SYNPO2: variants seen among roughly 807,000 people sequenced by gnomAD.
SYNPO2 encodes the protein synaptopodin 2.
A neutral mutation model predicts 85.0 loss-of-function variants in SYNPO2; 56 were observed. The ratio of observed to expected loss-of-function variants is 0.66; its 90% CI spans 0.53 to 0.82. The LOEUF (loss-of-function observed/expected upper bound fraction) is 0.82, where lower values mean the gene tolerates loss of function less well. Ranked by LOEUF, SYNPO2 falls within the 40% of genes least tolerant of loss-of-function variation. The pLI is 0.00. For synonymous variants in SYNPO2, 602 were observed against 591.1 expected, an observed-to-expected ratio of 1.02 and a Z score of -0.27; for missense variants, 1,575 against 1,534.2, an observed-to-expected ratio of 1.03 and a Z score of -0.44.
Position 119,031,045 on chromosome 4 carries a change from C to T in SYNPO2, c.2270C>T (p.Pro757Leu), listed in dbSNP as rs768815773. ...TCCTCTGCCAAACAAAAGACCCCTC[C>T]TCCTGTTGCTCCAAAACCTGCAGTC... ...QSSSAKQKTP[P>L]PVAPKPAVKS... is the part of the protein sequence containing the mutation. The change falls in exon 4 of 5, where the codon CCT becomes CTT. Residue 757 changes from proline to leucine, a missense_variant. This residue lies in a region of SYNPO2 where 1,508 missense variants were observed against 1,446.8 expected (regional missense o/e 1.04). Coordinates refer to ENST00000307142, the MANE Select transcript of SYNPO2 (RefSeq NM_133477.3). 23 of 1,614,114 alleles carry T rather than the reference C, an allele frequency of 1.4e-5. No homozygotes were observed. Among genetic ancestry groups the T allele is most frequent in the Non-Finnish European group, 1.9e-5 (23 of 1,180,038 alleles).
chr4:119,003,571 C>T (rs534824889), intron 1 of SYNPO2, among the ~76,000 whole-genome samples: 252 of 152,300 alleles, frequency 1.7e-3, no homozygotes, highest in African/African-American at 5.9e-3. Flanking sequence ...CCTTCTCATT[C>T]TCTTTTGTAT....
chr4:118,925,279 G>A lies in SYNPO2; in HGVS notation c.105+36138G>A, dbSNP rs72909273. On this transcript the variant is annotated intron_variant, in intron 1 of 4. Coordinates refer to ENST00000307142, the MANE Select transcript of SYNPO2 (RefSeq NM_133477.3). ...TATAATTTTATTACCTGGACTGACTGACATGTGAAGCCCTTCAGATGTGAT... is the reference window on the plus strand; with the variant it reads ...TATAATTTTATTACCTGGACTGACTAACATGTGAAGCCCTTCAGATGTGAT... Among the ~76,000 whole-genome samples the A allele has an allele frequency of 8.6e-3, 1,310 of 152,242 alleles. 14 individuals are homozygous for A. Among genetic ancestry groups the A allele is most frequent in the African/African-American group, 0.029 (1,222 of 41,550 alleles).
chr4:118,963,486 T>G lies in SYNPO2; in HGVS notation c.106-59944T>G, dbSNP rs375126125. Among the ~76,000 whole-genome samples the G allele has an allele frequency of 4.6e-5, 7 of 152,346 alleles. No homozygotes were observed. The East Asian group carries it at 1.3e-3, about 29-fold the overall frequency. ...ATGTATTTAGACTGGACTGAAAAAC[T>G]TATTTTTAAGTCTTGCATCTTTAAC... On this transcript the variant is annotated intron_variant, in intron 1 of 4. Transcript: ENST00000307142.
chr4:119,026,023 TGAC>T (rs1737921775), intron 2 of SYNPO2, among the ~76,000 whole-genome samples: 2 of 152,218 alleles, frequency 1.3e-5, no homozygotes, highest in African/African-American at 2.4e-5. Context: ...AAATACTCCA[TGAC>T]TTAATGATTC....
chr4:118,853,133 A>C (rs1179971909), intron 1 of SYNPO2, among the ~76,000 whole-genome samples: 2 of 152,234 alleles, frequency 1.3e-5, no homozygotes, highest in African/African-American at 4.8e-5. Flanking sequence ...AGAAAATGTC[A>C]TGCCATTCTC....
At chr4:118,961,192 G>T (rs1735077927) in intron 1 of SYNPO2, among the ~76,000 whole-genome samples, 1 of 144,246 alleles carries the variant, frequency 6.9e-6, no homozygotes, top group South Asian at 2.1e-4. Context: ...CCTCTAGTGA[G>T]TAGAGTCCAG....
At chr4:118,968,168 C>A (rs866005132) in intron 1 of SYNPO2, among the ~76,000 whole-genome samples, 8 of 152,084 alleles carry the variant, frequency 5.3e-5, no homozygotes, top group African/African-American at 1.9e-4. Flanking sequence ...GCTGAGAAGC[C>A]AGTTAGTGAA....
At position 118,926,287 on chromosome 4, in the gene SYNPO2, A is replaced by G. The variant is rs1733708445; in HGVS notation, c.105+37146A>G. ...GGAACTATTCAAAGCATTAGCAAAA[A>G]TGAATTTTTTTCACATAATTCTTGA... On this transcript the variant is annotated intron_variant, in intron 1 of 4. Coordinates refer to ENST00000307142, the MANE Select transcript of SYNPO2 (RefSeq NM_133477.3). Among the ~76,000 whole-genome samples the G allele has an allele frequency of 2.0e-5, 3 of 152,174 alleles. No individual in the cohort carries two copies. In the South Asian group the frequency reaches 6.2e-4, roughly 31 times the overall value.
chr4:118,860,425 G>A (rs1731588363), intron 1 of SYNPO2, among the ~76,000 whole-genome samples: 1 of 152,014 alleles, frequency 6.6e-6, no homozygotes, highest in Non-Finnish European at 1.5e-5. Context: ...TGTGTTTTTT[G>A]TAGAGATGGG....
intron 1 of SYNPO2, among the ~76,000 whole-genome samples, chr4:119,014,746 C>T (rs1737462681): frequency 6.6e-6 from 1 of 152,072 alleles, no homozygotes; most frequent in South Asian, 2.1e-4. Context: ...AATGAAATTC[C>T]AGTTAATTAA....
intron 4 of SYNPO2, chr4:119,033,043 C>T (rs114756463): frequency 0.011 from 11,107 of 974,222 alleles, 54 homozygotes; most frequent in Non-Finnish European, 0.012. Flanking sequence ...TACAGGATAA[C>T]GAAGTAACAT....
At chr4:118,927,386 A>G (rs1192993806) in intron 1 of SYNPO2, among the ~76,000 whole-genome samples, 1 of 152,134 alleles carries the variant, frequency 6.6e-6, no homozygotes, top group East Asian at 1.9e-4. Flanking sequence ...GGCCCTAAAG[A>G]TGACCTTGAC....
At chr4:118,879,151 T>A (rs1370425559) in intron 1 of SYNPO2, among the ~76,000 whole-genome samples, 2 of 152,034 alleles carry the variant, frequency 1.3e-5, no homozygotes, top group East Asian at 1.9e-4. Flanking sequence ...CCGACACATC[T>A]GAACATCTGA....
intron 1 of SYNPO2, among the ~76,000 whole-genome samples, chr4:118,927,385 G>T (rs575298835): frequency 6.6e-6 from 1 of 152,060 alleles, no homozygotes; most frequent in African/African-American, 2.4e-5. Context: ...GGGCCCTAAA[G>T]ATGACCTTGA....
chr4:118,874,319 A>G (rs1043119232), intron 1 of SYNPO2, among the ~76,000 whole-genome samples: 15 of 152,256 alleles, frequency 9.9e-5, no homozygotes, highest in African/African-American at 3.4e-4. Context: ...TGGGATAGGA[A>G]GAATGATGTG....
chr4:118,869,385 G>GT (rs768461916), intron 1 of SYNPO2, among the ~76,000 whole-genome samples: 42 of 152,060 alleles, frequency 2.8e-4, no homozygotes, highest in Non-Finnish European at 5.0e-4. Context: ...AAGAATTATT[G>GT]TTTTTTTGTC....
chr4:119,015,667 G>T (rs894494484), intron 1 of SYNPO2, among the ~76,000 whole-genome samples: 52 of 152,196 alleles, frequency 3.4e-4, no homozygotes, highest in African/African-American at 9.2e-4. Flanking sequence ...GGATGTACTC[G>T]TTCCTAAAGA....
intron 1 of SYNPO2, among the ~76,000 whole-genome samples, chr4:118,903,624 A>G (rs1196865778): frequency 6.6e-6 from 1 of 152,160 alleles, no homozygotes; most frequent in African/African-American, 2.4e-5. Context: ...TTACTTTGTT[A>G]TTCAGTTTAA....
intron 1 of SYNPO2, among the ~76,000 whole-genome samples, chr4:118,878,405 A>T (rs955087320): frequency 1.3e-5 from 2 of 152,220 alleles, no homozygotes; most frequent in Non-Finnish European, 2.9e-5. Flanking sequence ...ATATTATTTT[A>T]TCACTTAAAT....
Sources: allele counts gnomAD v4.1 joint callset (sites outside exome capture counted in the v4.1 genomes callset), GRCh38; gene constraint gnomAD v4.1.1; regional missense constraint gnomAD v4.1.1; transcripts MANE v1.5; gene names NCBI Gene and HGNC (gene_info 2026-07-23, HGNC 2026-07-21).